Variants in ADCY2 observed in about 807,000 individuals in gnomAD.
ADCY2 encodes the protein adenylate cyclase 2, also known as adenylate cyclase type 2.
In ADCY2, 31 loss-of-function variants were observed where a neutral mutation model predicts 125.2. That is an observed-to-expected ratio of 0.25 (90% CI 0.19 to 0.33). The LOEUF (loss-of-function observed/expected upper bound fraction) is 0.33, where lower values mean the gene tolerates loss of function less well. Among genes scored for constraint, ADCY2 ranks in the 10% least tolerant of loss-of-function variants. ADCY2 has a pLI of 1.00. For synonymous variants in ADCY2, 512 were observed against 548.4 expected (o/e 0.93, Z 0.93); for missense variants, 904 against 1,418.2 (o/e 0.64, Z 5.82).
intron 15 of ADCY2, among the ~76,000 whole-genome samples, chr5:7,748,039 C>A (rs1742683860): frequency 6.6e-6 from 1 of 152,216 alleles, no homozygotes; most frequent in Non-Finnish European, 1.5e-5. Context: ...GGGTTCCCAG[C>A]CTCTGCATCT....
intron 2 of ADCY2, among the ~76,000 whole-genome samples, chr5:7,447,779 T>C (rs1741326001): frequency 6.6e-6 from 1 of 152,138 alleles, no homozygotes; most frequent in African/African-American, 2.4e-5. Context: ...GTACCAGATC[T>C]CAGCAGAATT....
intron 2 of ADCY2, among the ~76,000 whole-genome samples, chr5:7,429,647 A>G (rs1740518073): frequency 6.6e-6 from 1 of 152,244 alleles, no homozygotes; most frequent in South Asian, 2.1e-4. Context: ...GTTAACCAAC[A>G]CAGTTCTAAA....
intron 10 of ADCY2, among the ~76,000 whole-genome samples, chr5:7,710,943 T>C (rs770284705): frequency 9.2e-5 from 14 of 152,174 alleles, no homozygotes; most frequent in African/African-American, 3.4e-4. Context: ...GAATCCAAAC[T>C]TTTTGGCCCC....
chr5:7,710,997 C>A (rs1406737292), intron 10 of ADCY2, among the ~76,000 whole-genome samples: 1 of 152,152 alleles, frequency 6.6e-6, no homozygotes, highest in Non-Finnish European at 1.5e-5. Context: ...ATGACAAATA[C>A]AAGGGGGAAA....
chr5:7,414,371 T>A (rs1561011966), intron 1 of ADCY2, among the ~76,000 whole-genome samples: 1 of 152,224 alleles, frequency 6.6e-6, no homozygotes, highest in African/African-American at 2.4e-5. Flanking sequence ...TATCCAACAT[T>A]GGATTATCTA....
rs149928145 is a variant in ADCY2 at position 7,399,512 on chromosome 5, C to A, written c.210+3006C>A. Among the ~76,000 whole-genome samples, 97 of 152,158 alleles carry A rather than the reference C, an allele frequency of 6.4e-4. 3 individuals carry two copies. The East Asian group carries it at 0.011, about 18-fold the overall frequency. On this transcript the variant is annotated intron_variant, in intron 1 of 24. Coordinates refer to ENST00000338316, the MANE Select transcript of ADCY2 (RefSeq NM_020546.3). ...TGTTGGCCCTAAAGTTAAAGTAATCCTCAAAGTTTTATATGCTGTAAAAGT... is the reference window on the plus strand; with the variant it reads ...TGTTGGCCCTAAAGTTAAAGTAATCATCAAAGTTTTATATGCTGTAAAAGT...
intron 1 of ADCY2, 30 bp from the exon 2 acceptor site, chr5:7,414,543 A>G (rs1426272387): frequency 1.9e-6 from 3 of 1,575,086 alleles, no homozygotes; most frequent in African/African-American, 2.7e-5. Context: ...CTAAATGGTA[A>G]CTTTTCCATG....
chr5:7,405,247 T>A (rs921984209), intron 1 of ADCY2, among the ~76,000 whole-genome samples: 10 of 152,174 alleles, frequency 6.6e-5, no homozygotes, highest in African/African-American at 2.4e-4. Flanking sequence ...GGAAGAAGGA[T>A]GTATCAATTA....
At chr5:7,482,767 GATATAT>G (rs140354609) in intron 2 of ADCY2, among the ~76,000 whole-genome samples, 14 of 119,454 alleles carry the variant, frequency 1.2e-4, no homozygotes, top group East Asian at 7.3e-4. Flanking sequence ...AAGAAAATGT[GATATAT>G]ATATATATAT....
At chr5:7,626,344 A>G in intron 4 of ADCY2, 28 bp downstream of exon 4, 1 of 1,608,388 alleles carries the variant, frequency 6.2e-7, no homozygotes, top group South Asian at 1.1e-5. Context: ...TTACATCCAC[A>G]TTATTTTAGT....
intron 4 of ADCY2, among the ~76,000 whole-genome samples, chr5:7,658,399 T>TTG (rs369870574): frequency 0.042 from 5,559 of 130,882 alleles, 272 homozygotes; most frequent in African/African-American, 0.12. Context: ...GTGAAGAGAA[T>TTG]TGTGTGTGTG....
At chr5:7,482,184 G>A (rs183134757) in intron 2 of ADCY2, among the ~76,000 whole-genome samples, 2 of 152,268 alleles carry the variant, frequency 1.3e-5, no homozygotes, top group Admixed American at 1.3e-4. Flanking sequence ...CAGTGACACT[G>A]AGCATTTTTT....
intron 16 of ADCY2, among the ~76,000 whole-genome samples, chr5:7,762,198 T>C (rs369368510): frequency 6.6e-6 from 1 of 152,214 alleles, no homozygotes; most frequent in Non-Finnish European, 1.5e-5. Context: ...TGATACCTGG[T>C]GCCATGAACC....
chr5:7,648,063 C>G (rs1271176073), intron 4 of ADCY2, among the ~76,000 whole-genome samples: 1 of 152,164 alleles, frequency 6.6e-6, no homozygotes, highest in Non-Finnish European at 1.5e-5. Flanking sequence ...TTTCTTCCAG[C>G]CTTAATAGTC....
At chr5:7,565,479 C>T (rs529340355) in intron 3 of ADCY2, among the ~76,000 whole-genome samples, 5 of 152,214 alleles carry the variant, frequency 3.3e-5, no homozygotes, top group East Asian at 1.9e-4. Context: ...AATGAAGCCT[C>T]GGTAAACACT....
chr5:7,754,119 G>A (rs552090633), intron 15 of ADCY2, among the ~76,000 whole-genome samples: 1 of 152,212 alleles, frequency 6.6e-6, no homozygotes, highest in Admixed American at 6.5e-5. Context: ...AAGTGCTGCC[G>A]ATTCGTCATT....
intron 22 of ADCY2, among the ~76,000 whole-genome samples, chr5:7,814,645 G>C (rs895361465): frequency 6.6e-6 from 1 of 151,912 alleles, no homozygotes; most frequent in East Asian, 1.9e-4. Flanking sequence ...CACCTTAGTA[G>C]CAGCTTTTCT....
At chr5:7,638,060 C>G (rs563491195) in intron 4 of ADCY2, among the ~76,000 whole-genome samples, 4 of 152,218 alleles carry the variant, frequency 2.6e-5, no homozygotes, top group African/African-American at 9.6e-5. Context: ...AAAGCAGCAA[C>G]AGATATCCTG....
chr5:7,691,499 T>C (rs1579320419), intron 5 of ADCY2: 1 of 151,380 alleles, frequency 6.6e-6, no homozygotes, highest in African/African-American at 2.4e-5. Context: ...GAGATTGGTG[T>C]GGGGCTTCTG....
Sources: allele counts gnomAD v4.1 joint callset (sites outside exome capture counted in the v4.1 genomes callset), GRCh38; gene constraint gnomAD v4.1.1; transcripts MANE v1.5; gene names NCBI Gene and HGNC (gene_info 2026-07-23, HGNC 2026-07-21).